MNS1: variants seen among roughly 807,000 people sequenced by gnomAD.
The protein encoded by MNS1 is meiosis specific nuclear structural 1.
A neutral mutation model predicts 72.0 loss-of-function variants in MNS1; 63 were observed. The ratio of observed to expected loss-of-function variants is 0.87; its 90% CI spans 0.71 to 1.08. MNS1 has a LOEUF of 1.08. Ranked by LOEUF, MNS1 falls within the 50% of genes least tolerant of loss-of-function variation. MNS1 has a pLI of 0.00. For missense variants in MNS1, 604 were observed against 562.4 expected, an observed-to-expected ratio of 1.07 and a Z score of -0.75; for synonymous variants, 188 against 172.1, an observed-to-expected ratio of 1.09 and a Z score of -0.72.
intron 9 of MNS1, among the ~76,000 whole-genome samples, chr15:56,430,916 T>C (rs558597178): frequency 6.6e-6 from 1 of 152,056 alleles, no homozygotes; most frequent in African/African-American, 2.4e-5. Flanking sequence ...CACCCAGCAC[T>C]TGGGGAGGCT....
chr15:56,438,178 A>C (rs1213454569), intron 7 of MNS1, among the ~76,000 whole-genome samples: 2 of 152,176 alleles, frequency 1.3e-5, no homozygotes, highest in Non-Finnish European at 2.9e-5. Context: ...AGCCAAAAGA[A>C]CAAAGCTGGA....
intron 2 of MNS1, among the ~76,000 whole-genome samples, chr15:56,462,235 A>G (rs1335704245): frequency 6.6e-5 from 10 of 151,974 alleles, no homozygotes; most frequent in African/African-American, 2.4e-4. Context: ...GAATCAGAAA[A>G]TCAGTTTTTG....
rs2050856537 is a variant in MNS1 at position 56,443,643 on chromosome 15, T to G, written c.898A>C (p.Asn300His). 6.2e-7 allele frequency: 1 copy of G among 1,611,720 alleles called. No individual in the cohort carries two copies. Among genetic ancestry groups the G allele is most frequent in the Non-Finnish European group, 8.5e-7 (1 of 1,179,126 alleles). Residue 300 changes from asparagine to histidine, a missense_variant, in exon 6 of 10, where the codon AAT (asparagine) becomes CAT (histidine). Asn to His is a moderately conservative substitution (Grantham distance 68). Coordinates refer to ENST00000260453, the MANE Select transcript of MNS1 (RefSeq NM_018365.4). ...ENEEKRLQLQ[N>H]ALTQKLEEML... Reference sequence around the variant, plus strand: ...AGAAGTGGTTATTTTAATACCGCATTCTGAAGCTGTAGCCTTTTCTCCTCA... The same window carrying G: ...AGAAGTGGTTATTTTAATACCGCATGCTGAAGCTGTAGCCTTTTCTCCTCA...
chr15:56,442,634 A>C (rs1223582278), intron 7 of MNS1, among the ~76,000 whole-genome samples: 1 of 152,236 alleles, frequency 6.6e-6, no homozygotes, highest in Non-Finnish European at 1.5e-5. Context: ...TAATTAATGC[A>C]GGGATAGAAA....
intron 2 of MNS1, chr15:56,463,650 T>C (rs1369044759): frequency 6.0e-6 from 1 of 167,464 alleles, no homozygotes; most frequent in Admixed American, 6.0e-5. Flanking sequence ...GGCGTGGTGT[T>C]GCGCGCCTAT....
At chr15:56,432,414 A>G (rs1282723375) in intron 8 of MNS1, among the ~76,000 whole-genome samples, 1 of 152,170 alleles carries the variant, frequency 6.6e-6, no homozygotes, top group Non-Finnish European at 1.5e-5. Context: ...ACAGAATTAC[A>G]GATACCTATT....
chr15:56,438,417 G>A (rs892891592), intron 7 of MNS1, among the ~76,000 whole-genome samples: 1 of 152,050 alleles, frequency 6.6e-6, no homozygotes, highest in African/African-American at 2.4e-5. Context: ...TTAATAAATG[G>A]TGCTGGAAAA....
intron 8 of MNS1, 126 bp downstream of exon 8, chr15:56,434,012 T>G: frequency 8.0e-6 from 8 of 996,762 alleles, no homozygotes; most frequent in Non-Finnish European, 1.1e-5. Context: ...AAAATTTATA[T>G]ATATATTAGT....
intron 7 of MNS1, among the ~76,000 whole-genome samples, chr15:56,435,722 C>A (rs536137499): frequency 6.6e-6 from 1 of 152,084 alleles, no homozygotes; most frequent in African/African-American, 2.4e-5. Flanking sequence ...GATGGTTTCA[C>A]TAGAAAATTC....
At chr15:56,435,009 A>G (rs1465716765) in intron 7 of MNS1, among the ~76,000 whole-genome samples, 1 of 152,130 alleles carries the variant, frequency 6.6e-6, no homozygotes, top group African/African-American at 2.4e-5. Flanking sequence ...AATTTCATAC[A>G]TACTAAAAAA....
chr15:56,463,592 G>A (rs553309613), intron 2 of MNS1, among the ~76,000 whole-genome samples: 1 of 152,178 alleles, frequency 6.6e-6, no homozygotes, highest in Admixed American at 6.5e-5. Context: ...GATCAGCCTG[G>A]TCAATATGGT....
At position 56,443,726 on chromosome 15, in the gene MNS1, T is replaced by A; in HGVS notation, c.815A>T (p.Glu272Val). ...EMEEENRKIIEFANMQQQREE... is the reference protein window; with the variant it reads ...EMEEENRKIIVFANMQQQREE... ...TCTTTGCTGCTGCATGTTAGCAAAC[T>A]CTATGATTTTTCTGTTTTCTTCTTC... The change falls in exon 6 of 10, where the codon GAG (glutamate) becomes GTG (valine). Residue 272 changes from glutamate to valine, a missense_variant. Coordinates refer to ENST00000260453, the MANE Select transcript of MNS1 (RefSeq NM_018365.4). The A allele has an allele frequency of 6.2e-7, 1 of 1,613,378 alleles. No individual in the cohort carries two copies. Among genetic ancestry groups the A allele is most frequent in the Non-Finnish European group, 8.5e-7 (1 of 1,179,696 alleles).
intron 7 of MNS1, among the ~76,000 whole-genome samples, chr15:56,436,910 T>C (rs1390720680): frequency 4.6e-5 from 7 of 152,114 alleles, no homozygotes; most frequent in Admixed American, 1.3e-4. Context: ...TGGGAAGAAG[T>C]TGAATCCCTG....
intron 8 of MNS1, 60 bp from the exon 9 acceptor site, chr15:56,431,558 AAATAAAACTACTCATGC>A: frequency 6.4e-7 from 1 of 1,557,998 alleles, no homozygotes. Context: ...CGAAGTTTTC[AAATAAAACTACTCATGC>A]AATGAATTAG....
chr15:56,458,533 T>C (rs1345944704), intron 2 of MNS1, among the ~76,000 whole-genome samples: 1 of 151,992 alleles, frequency 6.6e-6, no homozygotes, highest in Non-Finnish European at 1.5e-5. Context: ...CTATGGGTTT[T>C]GGCAATGCAT....
At chr15:56,455,445 C>T (rs2050975827) in intron 3 of MNS1, among the ~76,000 whole-genome samples, 1 of 152,056 alleles carries the variant, frequency 6.6e-6, no homozygotes, top group African/African-American at 2.4e-5. Flanking sequence ...ATTTGCCAAA[C>T]ATATTAATAT....
chr15:56,448,866 G>C (rs573118845), intron 3 of MNS1, among the ~76,000 whole-genome samples: 6 of 149,032 alleles, frequency 4.0e-5, no homozygotes, highest in African/African-American at 1.5e-4. Flanking sequence ...CGATTCTCCT[G>C]TCTCAGCCTC....
chr15:56,463,486 A>G (rs1387218543), intron 2 of MNS1, among the ~76,000 whole-genome samples: 1 of 152,184 alleles, frequency 6.6e-6, no homozygotes, highest in Non-Finnish European at 1.5e-5. Flanking sequence ...TAGAAAAAGC[A>G]TAAAAAATAA....
rs2140364101 is a variant in MNS1 at position 56,446,810 on chromosome 15, C to G, written c.456+31G>C. Reference sequence around the variant, plus strand: ...TCTAATTTTTATTTTCTAAATGAAGCTAAAAACATAATGACCAGAAACATG... The same window carrying G: ...TCTAATTTTTATTTTCTAAATGAAGGTAAAAACATAATGACCAGAAACATG... On this transcript the variant is annotated intron_variant, in intron 4 of 9. Transcript: ENST00000260453. 6.0e-6 allele frequency: 9 copies of G among 1,493,354 alleles called. No homozygotes were observed. The East Asian group carries it at 2.0e-4, about 34-fold the overall frequency. The allele number at this position is 1,493,354 out of a possible 1,614,324, so 92.5% of individuals were successfully genotyped here.
Sources: gnomAD v4.1 joint callset for allele counts (sites outside exome capture counted in the v4.1 genomes callset) on GRCh38, gnomAD v4.1.1 for gene constraint, MANE v1.5 for transcripts, NCBI Gene and HGNC (gene_info 2026-07-23, HGNC 2026-07-21) for gene names.